The following CDH13 variants were observed in gnomAD, a reference collection of about 807,000 sequenced individuals.
CDH13 encodes cadherin 13, also known as cadherin-13.
CDH13 carries 24 observed loss-of-function variants against 63.8 expected under a neutral mutation model. The ratio of observed to expected loss-of-function variants is 0.38; its 90% CI spans 0.27 to 0.53. The LOEUF (loss-of-function observed/expected upper bound fraction) is 0.53, where lower values mean the gene tolerates loss of function less well. Ranked by LOEUF, CDH13 falls within the 20% of genes least tolerant of loss-of-function variation. The pLI, the probability that CDH13 is intolerant of heterozygous loss-of-function variation, is 0.85. For missense variants in CDH13, 1,049 were observed against 903.1 expected (o/e 1.16, Z -2.07); for synonymous variants, 503 against 355.3 (o/e 1.42, Z -4.67).
chr16:83,736,416 T>G (rs540128371), intron 10 of CDH13, among the ~76,000 whole-genome samples: 6 of 152,336 alleles, frequency 3.9e-5, no homozygotes, highest in African/African-American at 9.6e-5. Context: ...TTACTCAATG[T>G]GTATGATATT....
At chr16:83,707,999 G>C (rs2150919353) in intron 10 of CDH13, among the ~76,000 whole-genome samples, 1 of 152,256 alleles carries the variant, frequency 6.6e-6, no homozygotes, top group South Asian at 2.1e-4. Flanking sequence ...CTGCCACCAT[G>C]ACCATTATTC....
chr16:83,647,987 C>A (rs1336844429), intron 8 of CDH13, among the ~76,000 whole-genome samples: 1 of 152,184 alleles, frequency 6.6e-6, no homozygotes, highest in African/African-American at 2.4e-5. Flanking sequence ...AAGGTAACAG[C>A]ATTATCCCAG....
intron 4 of CDH13, among the ~76,000 whole-genome samples, chr16:83,203,661 C>CAAAA (rs61444893): frequency 7.1e-5 from 6 of 84,026 alleles, no homozygotes; most frequent in Non-Finnish European, 6.3e-5. Context: ...GACTCCATCT[C>CAAAA]AAAAAAAAAA....
At chr16:82,650,223 G>C (rs564099046) in intron 1 of CDH13, among the ~76,000 whole-genome samples, 1 of 152,306 alleles carries the variant, frequency 6.6e-6, no homozygotes, top group South Asian at 2.1e-4. Flanking sequence ...AATGAGGTAC[G>C]TGAGGTTGCA....
intron 7 of CDH13, among the ~76,000 whole-genome samples, chr16:83,559,063 G>C (rs2075653066): frequency 6.6e-6 from 1 of 152,166 alleles, no homozygotes; most frequent in African/African-American, 2.4e-5. Context: ...AAGGGAAGGT[G>C]AACTCCTTTC....
intron 2 of CDH13, among the ~76,000 whole-genome samples, chr16:83,006,778 A>C (rs1913542021): frequency 6.6e-6 from 1 of 152,206 alleles, no homozygotes; most frequent in African/African-American, 2.4e-5. Flanking sequence ...CATCCCAATA[A>C]GTTATTTGGA....
intron 2 of CDH13, among the ~76,000 whole-genome samples, chr16:83,005,127 C>T (rs962657790): frequency 1.3e-5 from 2 of 152,166 alleles, no homozygotes; most frequent in South Asian, 2.1e-4. Flanking sequence ...AGCCAGGTAC[C>T]TGAATAAAAC....
chr16:82,629,606 C>T (rs1597160246), intron 1 of CDH13, among the ~76,000 whole-genome samples: 2 of 152,172 alleles, frequency 1.3e-5, no homozygotes, highest in East Asian at 3.9e-4. Flanking sequence ...TTCAGGCAAG[C>T]CTGTATGTTT....
At chr16:83,369,689 T>C (rs933002666) in intron 6 of CDH13, among the ~76,000 whole-genome samples, 1 of 152,168 alleles carries the variant, frequency 6.6e-6, no homozygotes, top group African/African-American at 2.4e-5. Flanking sequence ...CCTCACATAG[T>C]GTTGGGATTA....
intron 5 of CDH13, among the ~76,000 whole-genome samples, chr16:83,323,703 C>A (rs1433999804): frequency 6.6e-6 from 1 of 152,206 alleles, no homozygotes; most frequent in Non-Finnish European, 1.5e-5. Flanking sequence ...CAGTTTTCTT[C>A]ACCACTATTC....
chr16:83,125,352 G>T, intron 3 of CDH13, 33 bp from the exon 4 acceptor site: 1 of 1,175,634 alleles, frequency 8.5e-7, no homozygotes, highest in Non-Finnish European at 1.3e-6. Context: ...TTCAATGGGA[G>T]ATTTTAATCA....
intron 3 of CDH13, among the ~76,000 whole-genome samples, chr16:83,062,474 A>C (rs1380759672): frequency 1.3e-5 from 2 of 152,194 alleles, no homozygotes; most frequent in East Asian, 1.9e-4. Flanking sequence ...TAGCAGTTAC[A>C]TCATAAATAG....
At chr16:83,660,875 T>G (rs919456111) in intron 8 of CDH13, among the ~76,000 whole-genome samples, 3 of 152,124 alleles carry the variant, frequency 2.0e-5, no homozygotes, top group African/African-American at 7.2e-5. Context: ...GAAACTCAAG[T>G]GAAGGAGAGC....
rs148170187 is a variant in CDH13 at position 82,796,085 on chromosome 16, G to A, written c.46-62277G>A. On this transcript the variant is annotated intron_variant, in intron 1 of 13. Coordinates refer to ENST00000567109, the MANE Select transcript of CDH13 (RefSeq NM_001257.5). ...ATTGGCACTTACTGGTTCATGTCAGGTTCCTGTGCCTCTCCTGGAGAAGCA... is the reference window on the plus strand; with the variant it reads ...ATTGGCACTTACTGGTTCATGTCAGATTCCTGTGCCTCTCCTGGAGAAGCA... Among the ~76,000 whole-genome samples the A allele has an allele frequency of 9.9e-5, 15 of 152,126 alleles. No individual in the cohort carries two copies. In the East Asian group the frequency reaches 2.7e-3, roughly 27 times the overall value.
chr16:83,761,718 A>T (rs1367949336), intron 11 of CDH13, among the ~76,000 whole-genome samples: 1 of 152,210 alleles, frequency 6.6e-6, no homozygotes. Flanking sequence ...GGAACTTAGC[A>T]TATTTAAGAA....
chr16:83,096,872 G>A (rs919040876), intron 3 of CDH13, among the ~76,000 whole-genome samples: 5 of 152,078 alleles, frequency 3.3e-5, no homozygotes, highest in African/African-American at 9.7e-5. Flanking sequence ...TTGTTTAAAG[G>A]AAAAATTGTC....
chr16:83,477,430 G>C (rs900475618), intron 6 of CDH13, among the ~76,000 whole-genome samples: 1 of 152,178 alleles, frequency 6.6e-6, no homozygotes, highest in Non-Finnish European at 1.5e-5. Context: ...GTCAGCAACT[G>C]TCCCAAAATT....
chr16:83,127,410 C>G (rs574279747), intron 4 of CDH13, among the ~76,000 whole-genome samples: 1 of 152,276 alleles, frequency 6.6e-6, no homozygotes, highest in African/African-American at 2.4e-5. Flanking sequence ...TGGTGGTGAT[C>G]TGAACAAAGG....
Position 82,728,492 on chromosome 16 carries a change from G to A in CDH13, c.45+101355G>A, listed in dbSNP as rs138606156. ...CATATAAATAATAAACTACAGTTAC[G>A]CTGTAGTCTATTAAGTTTGAAATAG... On this transcript the variant is annotated intron_variant, in intron 1 of 13. Coordinates refer to ENST00000567109, the MANE Select transcript of CDH13 (RefSeq NM_001257.5). Among the ~76,000 whole-genome samples, 358 of 152,068 alleles carry A rather than the reference G, an allele frequency of 2.4e-3. 2 individuals carry two copies. The highest frequency in any genetic ancestry group is 3.9e-3 in the Non-Finnish European group (268 of 67,986).
Sources: allele counts gnomAD v4.1 joint callset (sites outside exome capture counted in the v4.1 genomes callset), GRCh38; gene constraint gnomAD v4.1.1; transcripts MANE v1.5; gene names NCBI Gene and HGNC (gene_info 2026-07-23, HGNC 2026-07-21).